Variants in LTN1 observed in about 807,000 individuals in gnomAD.
The protein encoded by LTN1 is listerin E3 ubiquitin protein ligase 1, also known as E3 ubiquitin-protein ligase listerin.
LTN1 carries 88 observed loss-of-function variants against 201.2 expected under a neutral mutation model. That is an observed-to-expected ratio of 0.44 (90% CI 0.37 to 0.52). LTN1 has a LOEUF of 0.52. Among genes scored for constraint, LTN1 ranks in the 20% least tolerant of loss-of-function variants. The pLI is 0.00. For missense variants in LTN1, 1,752 were observed against 2,038.7 expected, an observed-to-expected ratio of 0.86 and a Z score of 2.71; for synonymous variants, 645 against 713.5, an observed-to-expected ratio of 0.90 and a Z score of 1.53.
chr21:28,986,212 C>T lies in LTN1; in HGVS notation c.272G>A (p.Cys91Tyr). 1 of 1,611,776 alleles carries T rather than the reference C, an allele frequency of 6.2e-7. No individual in the cohort carries two copies. The highest frequency in any genetic ancestry group is 8.5e-7 in the Non-Finnish European group (1 of 1,178,062). The change falls in exon 3 of 30, where the codon TGT becomes TAT. Residue 91 changes from cysteine (C) to tyrosine (Y), a missense_variant. By Grantham distance (194) the Cys-to-Tyr change is radical. Transcript: ENST00000361371. This position sits in a 1 kb window ranked among gnomAD's most constrained non-coding sequence, Gnocchi z 4.1. ...CACAGTTTCTGTGTCTCTCTCTGTA[C>T]ACATGGTTCCAAATTCCTGCATAGC... ...LKAMQEFGTMCTERDTETVKG... is the reference protein window; with the variant it reads ...LKAMQEFGTMYTERDTETVKG...
chr21:28,947,891 A>T lies in LTN1; in HGVS notation c.3345-285T>A, dbSNP rs561305863. On this transcript the variant is annotated intron_variant, in intron 18 of 29. Coordinates refer to ENST00000361371, the MANE Select transcript of LTN1 (RefSeq NM_015565.3). ...GCCACATGACATTATGTCCTCTTTTAAAAAAAAAAAAGAGTCAATTGCGGG... is the reference window on the plus strand; with the variant it reads ...GCCACATGACATTATGTCCTCTTTTTAAAAAAAAAAAGAGTCAATTGCGGG... Among the ~76,000 whole-genome samples the T allele has an allele frequency of 1.3e-4, 10 of 74,404 alleles. No individual in the cohort carries two copies. In the South Asian group the frequency reaches 2.4e-3, roughly 18 times the overall value. The allele number at this position is 74,404 out of a possible 152,430, so 48.8% of individuals were successfully genotyped here. A position where few individuals can be genotyped will look rare whatever the true frequency, so the allele number is the denominator to read the frequency against.
At chr21:28,952,648 T>C (rs1478520035) in intron 17 of LTN1, among the ~76,000 whole-genome samples, 1 of 152,176 alleles carries the variant, frequency 6.6e-6, no homozygotes, top group Non-Finnish European at 1.5e-5. Context: ...CTGAGGAAAG[T>C]TGTGTCAACT....
At chr21:28,949,816 G>A (rs775957114) in intron 18 of LTN1, among the ~76,000 whole-genome samples, 1 of 152,026 alleles carries the variant, frequency 6.6e-6, no homozygotes, top group African/African-American at 2.4e-5. Flanking sequence ...AAATGTAAAG[G>A]AGAAGGTCTC....
rs2084222315 is a variant in LTN1 at position 28,932,847 on chromosome 21, A to G, written c.4876-183T>C. 2.6e-5 allele frequency among the ~76,000 whole-genome samples: 4 copies of G among 152,358 alleles called. No homozygotes were observed. The South Asian group carries it at 8.3e-4, about 32-fold the overall frequency. ...AAATACCTGCCTGGTATATTTTTAC[A>G]GTGATTTTGTGATATTCAAAGTTTG... is the stretch of plus-strand genomic sequence containing the variant. On this transcript the variant is annotated intron_variant, in intron 27 of 29. Coordinates refer to ENST00000361371, the MANE Select transcript of LTN1 (RefSeq NM_015565.3).
At chr21:28,989,353 CT>C (rs534319211) in intron 1 of LTN1, among the ~76,000 whole-genome samples, 3 of 151,902 alleles carry the variant, frequency 2.0e-5, no homozygotes, top group Admixed American at 1.3e-4. Flanking sequence ...AATGCACTAT[CT>C]TTTTTTAATG....
rs149224959 is a variant in LTN1, at chr21:28,992,425, C to G, written c.42+339G>C. Among the ~76,000 whole-genome samples the G allele has an allele frequency of 5.9e-5, 9 of 152,312 alleles. No homozygotes were observed. In the East Asian group the frequency reaches 1.7e-3, roughly 29 times the overall value. On this transcript the variant is annotated intron_variant, in intron 1 of 29. Transcript: ENST00000361371. ...TTCACTTTAACATTCTCCCAACTCT[C>G]CTTCTTCCCAGCGCCGCCCTCCCCC...
chr21:28,943,116 A>T, intron 24 of LTN1, 146 bp downstream of exon 24: 1 of 509,522 alleles, frequency 2.0e-6, no homozygotes, highest in Admixed American at 3.7e-5. Context: ...TCTATATTTC[A>T]TTTATATCTT....
At chr21:28,941,185 ACAGAACTAT>A in intron 25 of LTN1, 26 bp downstream of exon 25, 1 of 1,494,528 alleles carries the variant, frequency 6.7e-7, no homozygotes, top group Non-Finnish European at 9.3e-7. Context: ...GCATATTAGG[ACAGAACTAT>A]CGAAAGTTGT....
chr21:28,961,784 G>A (rs372392503), intron 11 of LTN1, among the ~76,000 whole-genome samples: 1 of 152,056 alleles, frequency 6.6e-6, no homozygotes, highest in Non-Finnish European at 1.5e-5. Flanking sequence ...TTAATTGATG[G>A]TTTTTTTAAA....
intron 8 of LTN1, among the ~76,000 whole-genome samples, 158 bp downstream of exon 8, chr21:28,970,394 C>T (rs73342778): frequency 0.015 from 2,334 of 152,040 alleles, 52 homozygotes; most frequent in African/African-American, 0.053. Context: ...AAGTCTTGAA[C>T]GTACTCAAGA....
chr21:28,975,263 C>T (rs1484855755), intron 6 of LTN1, among the ~76,000 whole-genome samples: 4 of 151,770 alleles, frequency 2.6e-5, no homozygotes, highest in African/African-American at 9.7e-5. Context: ...ATCTAAGAAA[C>T]AGAAAATATA....
chr21:28,935,892 T>C (rs144020457), intron 26 of LTN1, among the ~76,000 whole-genome samples: 3 of 151,156 alleles, frequency 2.0e-5, no homozygotes, highest in African/African-American at 7.3e-5. Flanking sequence ...AAAATCTACC[T>C]AGAAACAGAT....
chr21:28,957,934 G>A (rs922773626), intron 14 of LTN1, among the ~76,000 whole-genome samples: 3 of 152,092 alleles, frequency 2.0e-5, no homozygotes, highest in African/African-American at 7.2e-5. Context: ...AGTACATGTG[G>A]TGACCATGAG....
rs571790173 is a variant in LTN1, at chr21:28,985,821, C to T, written c.345+318G>A. ...GATTACAGGCATCCATCACCACACC[C>T]GGCTAATTTTTGTATTTTTAGTAGA... On this transcript the variant is annotated intron_variant, in intron 3 of 29. Coordinates refer to ENST00000361371, the MANE Select transcript of LTN1 (RefSeq NM_015565.3). 6.4e-4 allele frequency among the ~76,000 whole-genome samples: 98 copies of T among 151,978 alleles called. 1 individual carries two copies. Among genetic ancestry groups the T allele is most frequent in the Non-Finnish European group, 1.0e-3 (70 of 67,968 alleles).
intron 11 of LTN1, among the ~76,000 whole-genome samples, chr21:28,965,310 C>T (rs961813236): frequency 6.6e-6 from 1 of 152,136 alleles, no homozygotes; most frequent in Admixed American, 6.5e-5. Context: ...CATTTACATC[C>T]TCATTAGGAA....
rs1338732454 is a variant in LTN1 at position 28,928,899 on chromosome 21, T to C, written c.*1549A>G. On this transcript the variant is annotated 3_prime_UTR_variant, in exon 30 of 30. Transcript: ENST00000361371. ...CTTTCACGGGGAGTAACACAATCCT[T>C]TGGGATTACTATGTCAGAAAGAGAC... is the stretch of plus-strand genomic sequence containing the variant. 2 of 152,462 alleles carry C rather than the reference T, an allele frequency of 1.3e-5. No individual in the cohort carries two copies. The highest frequency in any genetic ancestry group is 4.8e-5 in the African/African-American group (2 of 41,398). 9.4% of individuals were successfully genotyped at this position (152,462 alleles called of 1,614,324 possible). A position where few individuals can be genotyped will look rare whatever the true frequency, so the allele number is the denominator to read the frequency against.
At chr21:28,959,997 T>C (rs536455825) in intron 12 of LTN1, 4 of 248,722 alleles carry the variant, frequency 1.6e-5, no homozygotes, top group South Asian at 6.4e-5. Context: ...CTTTAGGATA[T>C]AGAACTAAAA....
chr21:28,985,692 T>C (rs1350125815), intron 3 of LTN1, among the ~76,000 whole-genome samples: 1 of 151,216 alleles, frequency 6.6e-6, no homozygotes, highest in Non-Finnish European at 1.5e-5. Flanking sequence ...CATTGTCTTG[T>C]TCTATTGTCC....
chr21:28,952,608 A>C (rs2084391665), intron 17 of LTN1, among the ~76,000 whole-genome samples: 1 of 152,226 alleles, frequency 6.6e-6, no homozygotes, highest in South Asian at 2.1e-4. Context: ...AGGCAGGCTT[A>C]AGTTGAACAA....
Sources: allele counts gnomAD v4.1 joint callset (sites outside exome capture counted in the v4.1 genomes callset), GRCh38; gene constraint gnomAD v4.1.1; non-coding constraint Gnocchi (gnomAD v3.1); transcripts MANE v1.5; gene names NCBI Gene and HGNC (gene_info 2026-07-23, HGNC 2026-07-21).